RALYL: variants seen among roughly 807,000 people sequenced by gnomAD.
RALYL encodes RALY RNA binding protein like, also known as RNA-binding Raly-like protein.
In RALYL, 29 loss-of-function variants were observed where a neutral mutation model predicts 35.1. That is an observed-to-expected ratio of 0.83 (90% CI 0.61 to 1.13). The LOEUF is 1.13. Among genes scored for constraint, RALYL ranks in the 50% most tolerant of loss-of-function variants. RALYL has a pLI of 0.00. For synonymous variants in RALYL, 120 were observed against 127.6 expected, an observed-to-expected ratio of 0.94 and a Z score of 0.40; for missense variants, 359 against 360.4, an observed-to-expected ratio of 1.00 and a Z score of 0.03.
At chr8:84,521,836 A>G (rs997428109) in intron 1 of RALYL, among the ~76,000 whole-genome samples, 6 of 152,128 alleles carry the variant, frequency 3.9e-5, no homozygotes, top group Admixed American at 2.6e-4. Context: ...ACAATTATAT[A>G]TTTATTTTTG....
At chr8:84,839,945 A>G (rs1175134925) in intron 4 of RALYL, among the ~76,000 whole-genome samples, 1 of 152,192 alleles carries the variant, frequency 6.6e-6, no homozygotes, top group African/African-American at 2.4e-5. Context: ...CAGAAAGGAC[A>G]TCCACACCAA....
intron 2 of RALYL, among the ~76,000 whole-genome samples, chr8:84,591,232 G>A (rs1354723852): frequency 2.6e-5 from 4 of 152,264 alleles, no homozygotes; most frequent in South Asian, 2.1e-4. Flanking sequence ...ACAAGGTAAC[G>A]TAAGTCAGTT....
chr8:84,264,509 C>T (rs1762151019), intron 1 of RALYL, among the ~76,000 whole-genome samples: 1 of 148,248 alleles, frequency 6.7e-6, no homozygotes, highest in African/African-American at 2.5e-5. Context: ...GATATTAGGC[C>T]TTTGTTGCAT....
At chr8:84,731,850 C>A (rs1041509202) in intron 2 of RALYL, among the ~76,000 whole-genome samples, 1 of 152,128 alleles carries the variant, frequency 6.6e-6, no homozygotes, top group East Asian at 1.9e-4. Flanking sequence ...GCAGTGCCAA[C>A]CTCTGTATCT....
chr8:84,482,987 T>G (rs978747860), intron 1 of RALYL, among the ~76,000 whole-genome samples: 3 of 152,130 alleles, frequency 2.0e-5, no homozygotes, highest in African/African-American at 7.2e-5. Context: ...GTACTATTTT[T>G]CTGCATTGGG....
intron 4 of RALYL, among the ~76,000 whole-genome samples, chr8:84,838,765 C>T (rs1832561553): frequency 6.6e-6 from 1 of 152,068 alleles, no homozygotes; most frequent in Non-Finnish European, 1.5e-5. Context: ...ATTTTCTTTT[C>T]CTGTGTACTT....
chr8:84,871,546 A>G (rs1213073592), intron 6 of RALYL, among the ~76,000 whole-genome samples: 1 of 152,228 alleles, frequency 6.6e-6, no homozygotes, highest in Admixed American at 6.5e-5. Context: ...CTTCAAAGCA[A>G]AATCAATTTG....
At chr8:84,555,227 C>T (rs1259303539) in intron 2 of RALYL, among the ~76,000 whole-genome samples, 3 of 152,064 alleles carry the variant, frequency 2.0e-5, no homozygotes, top group Non-Finnish European at 2.9e-5. Flanking sequence ...TGCAGTGAGC[C>T]GAGATCATGC....
chr8:84,732,350 T>C (rs576195954), intron 2 of RALYL, among the ~76,000 whole-genome samples: 17 of 152,246 alleles, frequency 1.1e-4, no homozygotes, highest in Middle Eastern at 3.4e-3. Flanking sequence ...ACTAAATGCA[T>C]GGACTTGGGT....
chr8:84,862,743 G>A (rs1028374521), intron 6 of RALYL, among the ~76,000 whole-genome samples: 1 of 152,176 alleles, frequency 6.6e-6, no homozygotes, highest in Non-Finnish European at 1.5e-5. Flanking sequence ...ATATATTAAA[G>A]TACTGAAATA....
chr8:84,443,601 G>A (rs192019992), intron 1 of RALYL, among the ~76,000 whole-genome samples: 129 of 152,210 alleles, frequency 8.5e-4, no homozygotes, highest in African/African-American at 2.8e-3. Context: ...GGTATAGAGC[G>A]TGCTCTCACA....
At chr8:84,252,107 A>G (rs1473867470) in intron 1 of RALYL, among the ~76,000 whole-genome samples, 1 of 152,058 alleles carries the variant, frequency 6.6e-6, no homozygotes, top group East Asian at 1.9e-4. Flanking sequence ...TATAACATGG[A>G]ACCGTTATAT....
chr8:84,574,509 C>T (rs2135849634), intron 2 of RALYL, among the ~76,000 whole-genome samples: 1 of 152,226 alleles, frequency 6.6e-6, no homozygotes, highest in Non-Finnish European at 1.5e-5. Context: ...ACACTTTTCT[C>T]TGTCTCCTCG....
chr8:84,712,453 T>TTCCCTCTCTGTCTCTCTCTC (rs371394185), intron 2 of RALYL, among the ~76,000 whole-genome samples: 1 of 152,122 alleles, frequency 6.6e-6, no homozygotes, highest in African/African-American at 2.4e-5. Flanking sequence ...CTCTCTCTCT[T>TTCCCTCTCTGTCTCTCTCTC]TCTCTCTCTG....
chr8:84,340,004 C>T (rs528921701), intron 1 of RALYL, among the ~76,000 whole-genome samples: 12 of 152,070 alleles, frequency 7.9e-5, no homozygotes, highest in South Asian at 2.1e-4. Context: ...ATGCTGTTCC[C>T]GTGATAGTGA....
intron 1 of RALYL, among the ~76,000 whole-genome samples, chr8:84,495,266 T>C (rs2055874358): frequency 6.6e-6 from 1 of 152,114 alleles, no homozygotes; most frequent in Non-Finnish European, 1.5e-5. Flanking sequence ...GAAATTAGCA[T>C]ATGGTGCATA....
chr8:84,428,077 GTCTCTCTCTC>G (rs71271988), intron 1 of RALYL, among the ~76,000 whole-genome samples: 19 of 129,326 alleles, frequency 1.5e-4, no homozygotes, highest in African/African-American at 4.0e-4. Flanking sequence ...CTTGCTCGCT[GTCTCTCTCTC>G]TCTCTCTCTC....
At chr8:84,498,082 A>G (rs1230229113) in intron 1 of RALYL, among the ~76,000 whole-genome samples, 2 of 151,978 alleles carry the variant, frequency 1.3e-5, no homozygotes, top group Non-Finnish European at 2.9e-5. Flanking sequence ...GGTTGTGAAT[A>G]TAATACCTAA....
intron 2 of RALYL, among the ~76,000 whole-genome samples, chr8:84,615,342 A>AG (rs1164081513): frequency 6.6e-6 from 1 of 151,190 alleles, no homozygotes; most frequent in African/African-American, 2.5e-5. Context: ...ATACATTGAA[A>AG]AAAAAAAAAA....
Sources: gnomAD v4.1 joint callset for allele counts (sites outside exome capture counted in the v4.1 genomes callset) on GRCh38, gnomAD v4.1.1 for gene constraint, MANE v1.5 for transcripts, NCBI Gene and HGNC (gene_info 2026-07-23, HGNC 2026-07-21) for gene names.